Variants in BCL7C observed in about 807,000 individuals in gnomAD.
BCL7C encodes the protein B-cell CLL/lymphoma 7 protein family member C.
Under a neutral mutation model 26.2 loss-of-function variants are expected in BCL7C, and 8 were observed. The ratio of observed to expected loss-of-function variants is 0.30; its 90% CI spans 0.18 to 0.55. The LOEUF (loss-of-function observed/expected upper bound fraction) is 0.55. BCL7C is among the 20% of genes least tolerant of loss of function. BCL7C has a pLI of 0.93. For missense variants in BCL7C, 262 were observed against 298.5 expected (o/e 0.88, Z 0.90); for synonymous variants, 90 against 116.5 (o/e 0.77, Z 1.47).
At chr16:30,890,452 G>C (rs1253685933) in intron 4 of BCL7C, among the ~76,000 whole-genome samples, 1 of 151,700 alleles carries the variant, frequency 6.6e-6, no homozygotes, top group African/African-American at 2.4e-5. Context: ...TGGCTCACTG[G>C]CTGAGTTACT....
At chr16:30,854,993 C>G (rs1429795930) in intron 5 of BCL7C, among the ~76,000 whole-genome samples, 1 of 152,044 alleles carries the variant, frequency 6.6e-6, no homozygotes, top group African/African-American at 2.4e-5. Flanking sequence ...CCACCATGCC[C>G]AACCTCACCA....
chr16:30,836,679 T>C (rs1286649620), intron 5 of BCL7C, among the ~76,000 whole-genome samples: 1 of 151,972 alleles, frequency 6.6e-6, no homozygotes, highest in Non-Finnish European at 1.5e-5. Context: ...TTTTGCCATG[T>C]TGCTCAGGCT....
downstream of BCL7C, among the ~76,000 whole-genome samples, chr16:30,886,745 G>C (rs1312888235): frequency 6.6e-6 from 1 of 152,208 alleles, no homozygotes; most frequent in Non-Finnish European, 1.5e-5. Context: ...GATGGTGATT[G>C]AGATGGGGAT....
At chr16:30,871,800 A>G (rs766358609) in intron 5 of BCL7C, among the ~76,000 whole-genome samples, 1 of 152,048 alleles carries the variant, frequency 6.6e-6, no homozygotes, top group African/African-American at 2.4e-5. Context: ...TTTGTTTTAT[A>G]GGGTCCAGAA....
At chr16:30,839,760 T>C (rs1387061326) in intron 5 of BCL7C, among the ~76,000 whole-genome samples, 3 of 152,242 alleles carry the variant, frequency 2.0e-5, no homozygotes. Context: ...ACCTAGACTT[T>C]GCCCTTTTGA....
At chr16:30,837,361 T>C (rs1280997021) in intron 5 of BCL7C, among the ~76,000 whole-genome samples, 1 of 152,112 alleles carries the variant, frequency 6.6e-6, no homozygotes, top group African/African-American at 2.4e-5. Context: ...AAGGTGATAA[T>C]AATTTTTTTT....
chr16:30,861,857 C>CTTTTT (rs35135586), intron 5 of BCL7C, among the ~76,000 whole-genome samples: 20 of 68,832 alleles, frequency 2.9e-4, no homozygotes, highest in South Asian at 4.1e-4. Context: ...GGACAACATG[C>CTTTTT]TTTTTTTTTT....
chr16:30,867,196 A>C (rs2054836799), intron 5 of BCL7C, among the ~76,000 whole-genome samples: 1 of 152,186 alleles, frequency 6.6e-6, no homozygotes, highest in Non-Finnish European at 1.5e-5. Context: ...GGCCCAAAAA[A>C]ACATGATTGG....
intron 5 of BCL7C, among the ~76,000 whole-genome samples, chr16:30,863,676 A>G (rs1368024252): frequency 6.6e-6 from 1 of 152,130 alleles, no homozygotes; most frequent in East Asian, 1.9e-4. Context: ...CTCCCACTGA[A>G]ACTTTCACCT....
At position 30,893,795 on chromosome 16, in the gene BCL7C, C is replaced by T. The variant is rs2055298517; in HGVS notation, c.92+58G>A. The T allele has an allele frequency of 2.0e-6, 3 of 1,503,304 alleles. No individual in the cohort carries two copies. The highest frequency in any genetic ancestry group is 1.4e-5 in the African/African-American group (1 of 72,876). The allele number at this position is 1,503,304 out of a possible 1,614,324, so 93.1% of individuals were successfully genotyped here. ...CCAGAGCTGGCGAGGGCAGCGTAGA[C>T]GCCTTTGGTGCTGGTGGTCCCGCTG... On this transcript the variant is annotated intron_variant, in intron 1 of 5. Coordinates refer to ENST00000215115, the MANE Select transcript of BCL7C (RefSeq NM_004765.4). This position sits in a 1 kb window ranked among gnomAD's most constrained non-coding sequence, Gnocchi z 5.2.
At chr16:30,882,115 C>T (rs1451367991) in intron 5 of BCL7C, among the ~76,000 whole-genome samples, 1 of 152,106 alleles carries the variant, frequency 6.6e-6, no homozygotes, top group Non-Finnish European at 1.5e-5. Context: ...CACCCACTAC[C>T]AGGCCTGGCT....
At chr16:30,838,297 G>A (rs2054581292) in intron 5 of BCL7C, among the ~76,000 whole-genome samples, 1 of 152,222 alleles carries the variant, frequency 6.6e-6, no homozygotes, top group African/African-American at 2.4e-5. Context: ...ATGATTAAAT[G>A]AGATTACGTG....
chr16:30,853,050 C>T (rs2151365925), intron 5 of BCL7C, among the ~76,000 whole-genome samples: 1 of 152,138 alleles, frequency 6.6e-6, no homozygotes, highest in African/African-American at 2.4e-5. Context: ...ATTCTCCTGT[C>T]TCTGCCTCCC....
intron 4 of BCL7C, among the ~76,000 whole-genome samples, chr16:30,892,270 CAAAAAAAAAAAA>C (rs55772061): frequency 2.2e-5 from 1 of 44,490 alleles, no homozygotes; most frequent in Non-Finnish European, 3.6e-5. Flanking sequence ...GACCCTTTCT[CAAAAAAAAAAAA>C]AAAAAAAAAA....
intron 5 of BCL7C, chr16:30,835,158 G>C (rs2151357666): frequency 6.8e-7 from 1 of 1,469,630 alleles, no homozygotes; most frequent in East Asian, 2.6e-5. Context: ...CCTGTACGGA[G>C]AAAAGAAGAA....
chr16:30,893,095 TC>T lies in BCL7C; in HGVS notation c.171+116del, dbSNP rs2055280034. On this transcript the variant is annotated intron_variant, in intron 2 of 5. Coordinates refer to ENST00000215115, the MANE Select transcript of BCL7C (RefSeq NM_004765.4). The surrounding 1 kb of genome is among the most constrained non-coding windows in gnomAD (Gnocchi z 5.2). Reference sequence around the variant, plus strand: ...AAGGGGAGGAGCTGCTAATGATGGTTCCCGTCTGTCCTGCTGCATCTGAGGT... The same window carrying T: ...AAGGGGAGGAGCTGCTAATGATGGTTCCGTCTGTCCTGCTGCATCTGAGGT... 2 of 1,252,274 alleles carry T rather than the reference TC, an allele frequency of 1.6e-6. No individual in the cohort carries two copies. The highest frequency in any genetic ancestry group is 2.3e-6 in the Non-Finnish European group (2 of 885,468). The allele number at this position is 1,252,274 out of a possible 1,614,324, so 77.6% of individuals were successfully genotyped here. A position where few individuals can be genotyped will look rare whatever the true frequency, so the allele number is the denominator to read the frequency against.
intron 5 of BCL7C, among the ~76,000 whole-genome samples, chr16:30,871,315 G>A (rs1030103126): frequency 1.3e-5 from 2 of 152,126 alleles, no homozygotes; most frequent in African/African-American, 2.4e-5. Context: ...CAGATGATAC[G>A]GATTCAGATC....
At chr16:30,880,281 C>G (rs1219453460) in intron 5 of BCL7C, among the ~76,000 whole-genome samples, 1 of 151,126 alleles carries the variant, frequency 6.6e-6, no homozygotes, top group Admixed American at 6.6e-5. Context: ...CCCAGGAGTT[C>G]AAGACCAGCC....
In BCL7C at chr16:30,893,962, C is replaced by CG; in HGVS notation, c.-19dup. ...CCGGCCATGCTGGCGGGGCTGGGGC[C>CG]GGGGCCGAGCCCGCGGCGGGGCCGC... On this transcript the variant is annotated 5_prime_UTR_variant, in exon 1 of 6. Transcript: ENST00000215115. This position sits in a 1 kb window ranked among gnomAD's most constrained non-coding sequence, Gnocchi z 5.2. 7.3e-7 allele frequency: 1 copy of CG among 1,366,124 alleles called. No individual in the cohort carries two copies. The highest frequency in any genetic ancestry group is 9.5e-7 in the Non-Finnish European group (1 of 1,055,252). The allele number at this position is 1,366,124 out of a possible 1,614,324, so 84.6% of individuals were successfully genotyped here.
Sources: allele counts gnomAD v4.1 joint callset (sites outside exome capture counted in the v4.1 genomes callset), GRCh38; gene constraint gnomAD v4.1.1; non-coding constraint Gnocchi (gnomAD v3.1); transcripts MANE v1.5; gene names NCBI Gene and HGNC (gene_info 2026-07-23, HGNC 2026-07-21).